The following AFAP1 variants were observed in gnomAD, a reference collection of about 807,000 sequenced individuals.
The protein encoded by AFAP1 is actin filament-associated protein 1.
A neutral mutation model predicts 93.9 loss-of-function variants in AFAP1; 75 were observed. The observed-to-expected ratio is 0.80, with a 90% CI of 0.66 to 0.97. AFAP1 has a LOEUF of 0.97. Among genes scored for constraint, AFAP1 ranks in the 50% least tolerant of loss-of-function variants. AFAP1 has a pLI of 0.00. For missense variants in AFAP1, 1,201 were observed against 1,050.8 expected (o/e 1.14, Z -1.98); for synonymous variants, 517 against 430.7 (o/e 1.20, Z -2.48).
At position 7,763,729 on chromosome 4, in the gene AFAP1, G is replaced by C; in HGVS notation, c.*36C>G. 1.3e-6 allele frequency: 2 copies of C among 1,551,444 alleles called. No individual in the cohort carries two copies. The highest frequency in any genetic ancestry group is 1.7e-6 in the Non-Finnish European group (2 of 1,146,782). On this transcript the variant is annotated 3_prime_UTR_variant, in exon 18 of 18. Coordinates refer to ENST00000420658, the MANE Select transcript of AFAP1 (RefSeq NM_001134647.2). Reference sequence around the variant, plus strand: ...CAGATGAGGATACAGGCAAGGGGGTGTGCAGTCTCTGAGGCTGGAGTGGTG... The same window carrying C: ...CAGATGAGGATACAGGCAAGGGGGTCTGCAGTCTCTGAGGCTGGAGTGGTG...
intron 10 of AFAP1, among the ~76,000 whole-genome samples, chr4:7,798,320 C>T (rs1173272042): frequency 9.6e-5 from 13 of 134,974 alleles, no homozygotes; most frequent in East Asian, 6.8e-4. Context: ...GGCTGGCTCA[C>T]GGCATTGCAA....
intron 1 of AFAP1, among the ~76,000 whole-genome samples, chr4:7,886,247 T>C (rs28715921): frequency 0.44 from 67,526 of 152,070 alleles, 17,202 homozygotes; most frequent in Non-Finnish European, 0.6. Flanking sequence ...AACAGTTATG[T>C]GCCTACCAAG....
At chr4:7,881,377 G>A (rs1356453978) in intron 1 of AFAP1, among the ~76,000 whole-genome samples, 2 of 151,894 alleles carry the variant, frequency 1.3e-5, no homozygotes, top group East Asian at 3.9e-4. Context: ...TCTGAATTCT[G>A]CCAATGCCAA....
At chr4:7,828,155 C>T (rs1053527561) in intron 6 of AFAP1, among the ~76,000 whole-genome samples, 3 of 152,106 alleles carry the variant, frequency 2.0e-5, no homozygotes, top group African/African-American at 7.2e-5. Context: ...TCTGGCAAAG[C>T]CACTATGGTA....
chr4:7,793,934 G>A, intron 10 of AFAP1, 108 bp from the exon 11 acceptor site: 1 of 1,257,338 alleles, frequency 8.0e-7, no homozygotes, highest in Non-Finnish European at 1.1e-6. Flanking sequence ...GAAACATGAT[G>A]TCCCTAAGAA....
intron 17 of AFAP1, among the ~76,000 whole-genome samples, chr4:7,764,062 G>A (rs1180922705): frequency 1.3e-5 from 2 of 152,210 alleles, no homozygotes; most frequent in Non-Finnish European, 2.9e-5. Flanking sequence ...GTCCACCGAT[G>A]GATAGACATG....
At chr4:7,861,005 G>A (rs1008119979) in intron 3 of AFAP1, among the ~76,000 whole-genome samples, 2 of 152,128 alleles carry the variant, frequency 1.3e-5, no homozygotes, top group African/African-American at 4.8e-5. Flanking sequence ...TGCCCCATCT[G>A]TTGCTTAGTC....
intron 4 of AFAP1, among the ~76,000 whole-genome samples, chr4:7,849,239 G>C (rs948550333): frequency 3.3e-5 from 5 of 152,202 alleles, no homozygotes; most frequent in Non-Finnish European, 7.3e-5. Context: ...AGGGAGGGGA[G>C]AGTGAGAGGC....
chr4:7,882,490 G>A (rs986432448), intron 1 of AFAP1, among the ~76,000 whole-genome samples: 8 of 151,826 alleles, frequency 5.3e-5, no homozygotes, highest in Middle Eastern at 3.4e-3. Context: ...CCTTACATCA[G>A]TGCAAATATC....
At chr4:7,886,714 G>C (rs1465490387) in intron 1 of AFAP1, among the ~76,000 whole-genome samples, 4 of 152,140 alleles carry the variant, frequency 2.6e-5, no homozygotes, top group African/African-American at 9.7e-5. Flanking sequence ...ACCTAGATCT[G>C]GGTATGTTTT....
chr4:7,920,149 A>G (rs796378614), intron 1 of AFAP1, among the ~76,000 whole-genome samples: 4 of 152,296 alleles, frequency 2.6e-5, no homozygotes, highest in African/African-American at 7.2e-5. Flanking sequence ...TCCTTTGGAT[A>G]TATACCCGGT....
chr4:7,861,766 G>C (rs1027764970), intron 3 of AFAP1, among the ~76,000 whole-genome samples: 1 of 152,264 alleles, frequency 6.6e-6, no homozygotes, highest in Non-Finnish European at 1.5e-5. Context: ...CCAAAACTCT[G>C]AGATTCCTCA....
intron 1 of AFAP1, among the ~76,000 whole-genome samples, chr4:7,888,598 C>T (rs1009569318): frequency 1.2e-4 from 19 of 152,120 alleles, no homozygotes; most frequent in African/African-American, 3.9e-4. Flanking sequence ...TTAAAGAAAA[C>T]TCCAGCCCCA....
At chr4:7,917,802 T>C (rs760552721) in intron 1 of AFAP1, among the ~76,000 whole-genome samples, 2 of 152,192 alleles carry the variant, frequency 1.3e-5, no homozygotes, top group Non-Finnish European at 2.9e-5. Flanking sequence ...TGCCCGGGGC[T>C]ATTAGCTTTC....
At chr4:7,918,455 C>T (rs1351615315) in intron 1 of AFAP1, among the ~76,000 whole-genome samples, 1 of 145,636 alleles carries the variant, frequency 6.9e-6, no homozygotes, top group Non-Finnish European at 1.5e-5. Context: ...CCCAGGTCAC[C>T]CACAAACAGG....
Position 7,761,411 on chromosome 4 carries a change from C to T in AFAP1, c.*2354G>A, listed in dbSNP as rs576282163. The T allele has an allele frequency of 6.6e-5, 10 of 152,374 alleles. No homozygotes were observed. The highest frequency in any genetic ancestry group is 3.4e-3 in the Middle Eastern group (1 of 294). 9.4% of individuals were successfully genotyped at this position (152,374 alleles called of 1,614,324 possible). ...ACAACAAAATATGCATGCTGGGAGT[C>T]GAGCACCAATCAGCTGTGCCGTTGG... On this transcript the variant is annotated 3_prime_UTR_variant, in exon 18 of 18. Transcript: ENST00000420658.
At position 7,913,481 on chromosome 4, in the gene AFAP1, T is replaced by C. The variant is rs114298020; in HGVS notation, c.-3+26175A>G. ...TTTAATTACAATTATATAATGGACA[T>C]GTAAAATGTCCAGCTTGAAAGTTTG... On this transcript the variant is annotated intron_variant, in intron 1 of 17. Transcript: ENST00000420658. Among the ~76,000 whole-genome samples, 1,029 of 152,086 alleles carry C rather than the reference T, an allele frequency of 6.8e-3. 7 individuals are homozygous for C. Among genetic ancestry groups the C allele is most frequent in the African/African-American group, 0.022 (917 of 41,472 alleles).
chr4:7,912,125 T>C (rs149488697), intron 1 of AFAP1, among the ~76,000 whole-genome samples: 74 of 152,340 alleles, frequency 4.9e-4, no homozygotes, highest in African/African-American at 1.8e-3. Flanking sequence ...GAAAGACCGA[T>C]GAACAAGGAC....
At chr4:7,854,493 C>T (rs749191792) in intron 4 of AFAP1, among the ~76,000 whole-genome samples, 7 of 152,310 alleles carry the variant, frequency 4.6e-5, no homozygotes, top group South Asian at 2.1e-4. Context: ...ATCATCAAGA[C>T]GGATCCTGCT....
Sources: allele counts gnomAD v4.1 joint callset (sites outside exome capture counted in the v4.1 genomes callset), GRCh38; gene constraint gnomAD v4.1.1; transcripts MANE v1.5; gene names NCBI Gene and HGNC (gene_info 2026-07-23, HGNC 2026-07-21).